Variants in VPS37A observed in about 807,000 individuals in gnomAD.
VPS37A encodes the protein VPS37A subunit of ESCRT-I, also known as vacuolar protein sorting-associated protein 37A.
A neutral mutation model predicts 49.8 loss-of-function variants in VPS37A; 30 were observed. That is an observed-to-expected ratio of 0.60 (90% CI 0.45 to 0.82). The LOEUF (loss-of-function observed/expected upper bound fraction) is 0.82, where lower values mean the gene tolerates loss of function less well. VPS37A is among the 40% of genes least tolerant of loss of function. VPS37A has a pLI of 0.00. For missense variants in VPS37A, 593 were observed against 464.4 expected (o/e 1.28, Z -2.55); for synonymous variants, 195 against 160.6 (o/e 1.21, Z -1.62).
At position 17,296,726 on chromosome 8, in the gene VPS37A, C is replaced by T. The variant is rs1474276461; in HGVS notation, c.*1740C>T. 1 of 152,132 alleles carries T rather than the reference C, an allele frequency of 6.6e-6. No individual in the cohort carries two copies. The highest frequency in any genetic ancestry group is 2.4e-5 in the African/African-American group (1 of 41,422). 9.4% of individuals were successfully genotyped at this position (152,132 alleles called of 1,614,324 possible). A position where few individuals can be genotyped will look rare whatever the true frequency, so the allele number is the denominator to read the frequency against. On this transcript the variant is annotated 3_prime_UTR_variant, in exon 12 of 12. Coordinates refer to ENST00000324849, the MANE Select transcript of VPS37A (RefSeq NM_152415.3). ...TTAGATGCTTATCTACTTTCCTTTTCACCAGAAAAACAGAAAAAAAAGAAA... is the reference window on the plus strand; with the variant it reads ...TTAGATGCTTATCTACTTTCCTTTTTACCAGAAAAACAGAAAAAAAAGAAA...
chr8:17,277,897 CACACAGACATAT>C (rs1814675317), intron 6 of VPS37A, among the ~76,000 whole-genome samples: 1 of 149,864 alleles, frequency 6.7e-6, no homozygotes, highest in Non-Finnish European at 1.5e-5. Flanking sequence ...CACACACACA[CACACAGACATAT>C]ACATATGTGT....
rs1329226347 is a variant in VPS37A, at chr8:17,274,852, T to C, written c.536T>C (p.Val179Ala). Residue 179 changes from valine to alanine, a missense_variant, in exon 5 of 12, where the codon GTT becomes GCT. By Grantham distance (64) the Val-to-Ala change is moderately conservative. Coordinates refer to ENST00000324849, the MANE Select transcript of VPS37A (RefSeq NM_152415.3). ...ACTTCTTTATCTGTTGCTGACACTG[T>C]TTCTTCTTCAACAACAAGTCATACC... is the stretch of plus-strand genomic sequence containing the variant. ...SITSLSVADT[V>A]SSSTTSHTTA... 6.2e-7 allele frequency: 1 copy of C among 1,614,048 alleles called. No homozygotes were observed. Among genetic ancestry groups the C allele is most frequent in the Non-Finnish European group, 8.5e-7 (1 of 1,180,034 alleles).
At chr8:17,275,996 AC>A (rs1814476725) in intron 5 of VPS37A, among the ~76,000 whole-genome samples, 1 of 152,142 alleles carries the variant, frequency 6.6e-6, no homozygotes, top group Non-Finnish European at 1.5e-5. Flanking sequence ...TTGCTCATCT[AC>A]CCTACCGTCT....
chr8:17,286,096 T>C (rs1815559970), intron 10 of VPS37A, among the ~76,000 whole-genome samples: 1 of 152,130 alleles, frequency 6.6e-6, no homozygotes, highest in South Asian at 2.1e-4. Flanking sequence ...GGGACTGGGG[T>C]GCAGGAAAGA....
At chr8:17,325,780 T>A in the VPS37A span, among the ~76,000 whole-genome samples, 3 of 152,192 alleles carry the variant, frequency 2.0e-5, no homozygotes, top group African/African-American at 4.8e-5. Context: ...GAAACTGTGC[T>A]CTTACTTCAT....
At chr8:17,329,514 G>T in the VPS37A span, among the ~76,000 whole-genome samples, 1 of 152,146 alleles carries the variant, frequency 6.6e-6, no homozygotes, top group Non-Finnish European at 1.5e-5. Flanking sequence ...GGTTCCTGAC[G>T]AGAAACCAAA....
chr8:17,316,875 G>T, the VPS37A span, among the ~76,000 whole-genome samples: 5 of 151,986 alleles, frequency 3.3e-5, no homozygotes, highest in African/African-American at 1.2e-4. Flanking sequence ...TGGGGTGGGG[G>T]TGCTGGAAAC....
downstream of VPS37A, chr8:17,298,422 CAATT>C (rs1185464914): frequency 6.6e-6 from 1 of 152,068 alleles, no homozygotes; most frequent in African/African-American, 2.4e-5. Flanking sequence ...ATGATGAACA[CAATT>C]AAATGTTTTC....
At chr8:17,307,381 AAAC>A (rs1347687315), downstream of VPS37A, among the ~76,000 whole-genome samples, 6 of 152,318 alleles carry the variant, frequency 3.9e-5, no homozygotes, top group African/African-American at 1.4e-4. Flanking sequence ...AAAAGTCAGG[AAAC>A]AACAGGTGCT....
intron 1 of VPS37A, among the ~76,000 whole-genome samples, chr8:17,249,710 G>A (rs921071979): frequency 1.3e-5 from 2 of 152,152 alleles, no homozygotes; most frequent in East Asian, 1.9e-4. Flanking sequence ...AGATGGAAAA[G>A]GTGTGATATT....
intron 11 of VPS37A, among the ~76,000 whole-genome samples, chr8:17,292,025 C>T (rs998271582): frequency 1.3e-5 from 2 of 152,080 alleles, no homozygotes; most frequent in African/African-American, 4.8e-5. Context: ...CCTGAATATC[C>T]TTGTTAATTT....
At position 17,274,973 on chromosome 8, in the gene VPS37A, T is replaced by C. The variant is rs1479342603; in HGVS notation, c.642+15T>C. The C allele has an allele frequency of 7.5e-6, 12 of 1,606,972 alleles. No individual in the cohort carries two copies. In the African/African-American group the frequency reaches 9.4e-5, roughly 13 times the overall value. On this transcript the variant is annotated intron_variant, in intron 5 of 11. Coordinates refer to ENST00000324849, the MANE Select transcript of VPS37A (RefSeq NM_152415.3). ...CTTCAATACCGGTTGGTATCGTCAG[T>C]TATCTATATTTTGTGCCACTGAAAC...
At position 17,268,291 on chromosome 8, in the gene VPS37A, A is replaced by C. The variant is rs748491812; in HGVS notation, c.234A>C (p.Pro78=). The C allele has an allele frequency of 6.2e-7, 1 of 1,613,110 alleles. No individual in the cohort carries two copies. Among genetic ancestry groups the C allele is most frequent in the Non-Finnish European group, 8.5e-7 (1 of 1,179,742 alleles). The change falls in exon 3 of 12, where the codon CCA becomes CCC. Residue 78 remains proline, a synonymous_variant. Coordinates refer to ENST00000324849, the MANE Select transcript of VPS37A (RefSeq NM_152415.3). The part of the protein sequence containing the change: ...LLPPQFPQEK[P]VISVYPPIRH... ...CTCCACAGTTTCCTCAGGAAAAACC[A>C]GTGATCAGTGTTTATCCACCAATAC...
Position 17,268,384 on chromosome 8 carries a change from G to A in VPS37A, c.315+12G>A, listed in dbSNP as rs1329801465. On this transcript the variant is annotated intron_variant, in intron 3 of 11. Transcript: ENST00000324849. ...CATTAGTAAACAATGTATGTATATG[G>A]GATAATTTATTTCAGGGTAATATAA... The A allele has an allele frequency of 1.9e-5, 30 of 1,546,942 alleles. No individual in the cohort carries two copies. The highest frequency in any genetic ancestry group is 2.6e-5 in the Non-Finnish European group (29 of 1,125,264).
intron 4 of VPS37A, among the ~76,000 whole-genome samples, chr8:17,272,654 A>T (rs1483518486): frequency 6.6e-6 from 1 of 152,200 alleles, no homozygotes; most frequent in Non-Finnish European, 1.5e-5. Context: ...ATACTCTCTC[A>T]TGTTGGTTTT....
In VPS37A at chr8:17,247,139, C is replaced by T; in HGVS notation, c.-106C>T. 1 of 1,477,350 alleles carries T rather than the reference C, an allele frequency of 6.8e-7. No individual in the cohort carries two copies. Among genetic ancestry groups the T allele is most frequent in the Non-Finnish European group, 9.2e-7 (1 of 1,092,704 alleles). 91.5% of individuals were successfully genotyped at this position (1,477,350 alleles called of 1,614,324 possible). On this transcript the variant is annotated 5_prime_UTR_variant, in exon 1 of 12. It adds an upstream start codon to the 5' untranslated region. Transcript: ENST00000324849. ...GACGCGGTCCCCAGCGCTTGGGCCA[C>T]GGACGTCCCACCCCGCTCCTCTGTC...
intron 1 of VPS37A, among the ~76,000 whole-genome samples, chr8:17,256,733 A>G (rs1343672968): frequency 6.6e-6 from 1 of 150,400 alleles, no homozygotes; most frequent in Non-Finnish European, 1.5e-5. Context: ...GCTCACCACA[A>G]CCTCCGCCTC....
the VPS37A span, among the ~76,000 whole-genome samples, chr8:17,323,231 G>A: frequency 6.6e-6 from 1 of 151,956 alleles, no homozygotes; most frequent in Non-Finnish European, 1.5e-5. Flanking sequence ...ACAGGTATGA[G>A]CCACCACACC....
chr8:17,325,884 A>G, the VPS37A span, among the ~76,000 whole-genome samples: 1 of 152,332 alleles, frequency 6.6e-6, no homozygotes, highest in African/African-American at 2.4e-5. Context: ...CCTACAGCCC[A>G]TCAACGTATC....
Sources: gnomAD v4.1 joint callset for allele counts (sites outside exome capture counted in the v4.1 genomes callset) on GRCh38, gnomAD v4.1.1 for gene constraint, MANE v1.5 for transcripts, NCBI Gene and HGNC (gene_info 2026-07-23, HGNC 2026-07-21) for gene names.